ADCY1: variants seen among roughly 807,000 people sequenced by gnomAD.
ADCY1 encodes the protein adenylate cyclase 1.
A neutral mutation model predicts 105.4 loss-of-function variants in ADCY1; 28 were observed. The ratio of observed to expected loss-of-function variants is 0.27; its 90% CI spans 0.20 to 0.36. ADCY1 has a LOEUF of 0.36. Ranked by LOEUF, ADCY1 falls within the 10% of genes least tolerant of loss-of-function variation. The pLI, the probability that ADCY1 is intolerant of heterozygous loss-of-function variation, is 1.00. For missense variants in ADCY1, 977 were observed against 1,434.2 expected (o/e 0.68, Z 5.15); for synonymous variants, 655 against 623.8 (o/e 1.05, Z -0.75).
chr7:45,612,855 C>T (rs1424734324), intron 3 of ADCY1, among the ~76,000 whole-genome samples: 5 of 152,124 alleles, frequency 3.3e-5, no homozygotes, highest in Non-Finnish European at 7.4e-5. Flanking sequence ...ATAACTTCCC[C>T]CTACTCACCC....
chr7:45,672,478 G>A (rs182782757), intron 8 of ADCY1, among the ~76,000 whole-genome samples: 2 of 150,864 alleles, frequency 1.3e-5, no homozygotes, highest in East Asian at 1.9e-4. Context: ...GATTTTCTTC[G>A]ATTCCTTACA....
chr7:45,608,961 C>T (rs1001979841), intron 2 of ADCY1, among the ~76,000 whole-genome samples: 2 of 152,198 alleles, frequency 1.3e-5, no homozygotes, highest in Admixed American at 6.5e-5. Flanking sequence ...CTTAGCCTCA[C>T]TTGGCATCAG....
intron 4 of ADCY1, among the ~76,000 whole-genome samples, chr7:45,635,663 G>A: frequency 8.0e-6 from 1 of 124,782 alleles, no homozygotes; most frequent in East Asian, 2.4e-4. Flanking sequence ...ATGTGATTCA[G>A]GGATATTTCA....
Position 45,657,805 on chromosome 7 carries a change from G to C in ADCY1, c.1227G>C (p.Leu409=). 6.2e-7 allele frequency: 1 copy of C among 1,614,074 alleles called. No homozygotes were observed. Among genetic ancestry groups the C allele is most frequent in the Non-Finnish European group, 8.5e-7 (1 of 1,180,002 alleles). The change falls in exon 6 of 20, where the codon CTG becomes CTC. Residue 409 remains leucine (L), a synonymous_variant. Transcript: ENST00000297323. ...CGGGCAGGGTCCTCTGTGGTGTCCT[G>C]GGCTTGCGCAAGTGGCAGTACGACG... ...LHTGRVLCGV[L]GLRKWQYDVW...
intron 19 of ADCY1, among the ~76,000 whole-genome samples, chr7:45,712,614 C>A (rs925676461): frequency 1.3e-5 from 2 of 151,922 alleles, no homozygotes; most frequent in Non-Finnish European, 2.9e-5. Flanking sequence ...GGCCAGCCTC[C>A]CCAACTCTGG....
rs1562720625 is a variant in ADCY1 at position 45,679,703 on chromosome 7, C to T, written c.1899-6C>T. The T allele has an allele frequency of 1.2e-6, 2 of 1,614,046 alleles. No individual in the cohort carries two copies. The highest frequency in any genetic ancestry group is 1.7e-6 in the Non-Finnish European group (2 of 1,180,010). On this transcript the variant is annotated splice_region_variant and splice_polypyrimidine_tract_variant and intron_variant, in intron 10 of 19. Coordinates refer to ENST00000297323, the MANE Select transcript of ADCY1 (RefSeq NM_021116.4). ...ATCAGTGACTCTCATGTTTTCTGTC[C>T]CCCAGGAGTGTGGTCGTCCTGCTCC... is the stretch of plus-strand genomic sequence containing the variant.
chr7:45,678,886 T>C (rs374823221), intron 10 of ADCY1, among the ~76,000 whole-genome samples: 1 of 98,604 alleles, frequency 1.0e-5, no homozygotes, highest in Non-Finnish European at 2.7e-5. Context: ...ACTTTGTCTC[T>C]AAAAATAATA....
At chr7:45,594,965 TG>T (rs1793031575) in intron 2 of ADCY1, among the ~76,000 whole-genome samples, 1 of 152,210 alleles carries the variant, frequency 6.6e-6, no homozygotes, top group African/African-American at 2.4e-5. Flanking sequence ...TAGCTACTGG[TG>T]TGATAAGTGT....
chr7:45,655,551 A>C (rs957630336), intron 5 of ADCY1, among the ~76,000 whole-genome samples: 1 of 152,260 alleles, frequency 6.6e-6, no homozygotes, highest in Non-Finnish European at 1.5e-5. Context: ...CTATGAGAAC[A>C]GTTCTGGGTG....
At chr7:45,614,011 A>G (rs931389347) in intron 3 of ADCY1, among the ~76,000 whole-genome samples, 2 of 152,246 alleles carry the variant, frequency 1.3e-5, no homozygotes, top group African/African-American at 4.8e-5. Flanking sequence ...AGCAAGGCAA[A>G]AAGGAGTTCT....
At chr7:45,600,375 A>T (rs1192650569) in intron 2 of ADCY1, among the ~76,000 whole-genome samples, 1 of 152,214 alleles carries the variant, frequency 6.6e-6, no homozygotes, top group Non-Finnish European at 1.5e-5. Flanking sequence ...CCTTTCCTGG[A>T]AGAGCCCGAG....
chr7:45,592,954 T>C, intron 2 of ADCY1, 46 bp downstream of exon 2: 1 of 1,604,406 alleles, frequency 6.2e-7, no homozygotes, highest in East Asian at 2.2e-5. Flanking sequence ...GCTGTGGGGC[T>C]GGGGAGGTGG....
chr7:45,613,848 A>G (rs961835568), intron 3 of ADCY1, among the ~76,000 whole-genome samples: 1 of 152,202 alleles, frequency 6.6e-6, no homozygotes, highest in Non-Finnish European at 1.5e-5. Context: ...GCAGGCCAGA[A>G]GGGAGTGGGA....
intron 14 of ADCY1, among the ~76,000 whole-genome samples, chr7:45,697,249 G>A (rs1394618095): frequency 6.6e-6 from 1 of 152,146 alleles, no homozygotes; most frequent in African/African-American, 2.4e-5. Context: ...TCTGGATGCT[G>A]TCTTCCCAGC....
chr7:45,653,359 TGACAA>T (rs1261299742), intron 5 of ADCY1, among the ~76,000 whole-genome samples: 1 of 152,198 alleles, frequency 6.6e-6, no homozygotes, highest in Non-Finnish European at 1.5e-5. Flanking sequence ...GCAGCCAGGC[TGACAA>T]GACCAGGCCC....
At chr7:45,705,690 A>G (rs553844878) in intron 17 of ADCY1, among the ~76,000 whole-genome samples, 2 of 152,306 alleles carry the variant, frequency 1.3e-5, no homozygotes, top group South Asian at 2.1e-4. Context: ...CACCATTTCT[A>G]TTCAACATTT....
At chr7:45,602,217 G>A (rs546167014) in intron 2 of ADCY1, among the ~76,000 whole-genome samples, 12 of 151,848 alleles carry the variant, frequency 7.9e-5, no homozygotes, top group Middle Eastern at 6.8e-3. Context: ...GGCTGGAAGT[G>A]CAGCTCCACT....
rs147789127 is a variant in ADCY1, at chr7:45,614,074, G to A, written c.908+3577G>A. Among the ~76,000 whole-genome samples, 14 of 152,184 alleles carry A rather than the reference G, an allele frequency of 9.2e-5. No individual in the cohort carries two copies. The East Asian group carries it at 2.1e-3, about 23-fold the overall frequency. On this transcript the variant is annotated intron_variant, in intron 3 of 19. Coordinates refer to ENST00000297323, the MANE Select transcript of ADCY1 (RefSeq NM_021116.4). ...ACAACACAATAGCATAAGAAAATAC[G>A]ATACTTATTGGTAAAGTTTTATACA...
chr7:45,627,956 C>G (rs529175359), intron 4 of ADCY1, among the ~76,000 whole-genome samples: 1 of 152,108 alleles, frequency 6.6e-6, no homozygotes, highest in African/African-American at 2.4e-5. Flanking sequence ...CCAAGACCCC[C>G]GGCGCCCACT....
Sources: gnomAD v4.1 joint callset for allele counts (sites outside exome capture counted in the v4.1 genomes callset) on GRCh38, gnomAD v4.1.1 for gene constraint, MANE v1.5 for transcripts, NCBI Gene and HGNC (gene_info 2026-07-23, HGNC 2026-07-21) for gene names.